CTNNA2: variants seen among roughly 807,000 people sequenced by gnomAD.
CTNNA2 encodes the protein catenin alpha 2.
CTNNA2 carries 42 observed loss-of-function variants against 101.0 expected under a neutral mutation model. The observed-to-expected ratio is 0.42, with a 90% confidence interval of 0.32 to 0.54. The LOEUF (loss-of-function observed/expected upper bound fraction) is 0.54. Among genes scored for constraint, CTNNA2 ranks in the 20% least tolerant of loss-of-function variants. The probability of loss-of-function intolerance (pLI) is 0.14; values close to 1 mark genes in which losing one functional copy is unlikely to be tolerated. For synonymous variants in CTNNA2, 450 were observed against 456.4 expected (o/e 0.99, Z 0.18); for missense variants, 871 against 1,223.1 (o/e 0.71, Z 4.29).
At chr2:79,490,647 C>T (rs1393082451) in intron 4 of CTNNA2, among the ~76,000 whole-genome samples, 1 of 152,130 alleles carries the variant, frequency 6.6e-6, no homozygotes, top group East Asian at 1.9e-4. Context: ...AAAAAGAACA[C>T]AATGAATGGT....
chr2:79,355,068 A>G (rs1280726454), intron 3 of CTNNA2, among the ~76,000 whole-genome samples: 2 of 152,086 alleles, frequency 1.3e-5, no homozygotes, highest in South Asian at 2.1e-4. Context: ...AGGGCTCTCT[A>G]TCCTGCTCTG....
At chr2:80,287,669 A>T (rs1408217466) in intron 7 of CTNNA2, among the ~76,000 whole-genome samples, 1 of 152,168 alleles carries the variant, frequency 6.6e-6, no homozygotes, top group Non-Finnish European at 1.5e-5. Context: ...CTCTAGATTA[A>T]TAGGGGTTGA....
chr2:80,533,391 C>G (rs1410662034), intron 9 of CTNNA2, among the ~76,000 whole-genome samples: 1 of 152,164 alleles, frequency 6.6e-6, no homozygotes, highest in Non-Finnish European at 1.5e-5. Context: ...TTTCCTTATT[C>G]TGTGTGAAGC....
At chr2:79,665,577 G>C (rs7597647) in intron 2 of CTNNA2, among the ~76,000 whole-genome samples, 2,021 of 152,194 alleles carry the variant, frequency 0.013, 34 homozygotes, top group African/African-American at 0.046. Flanking sequence ...AAGACACCAA[G>C]TTAAGTAGAG....
At chr2:79,606,263 T>G (rs914142948) in intron 1 of CTNNA2, among the ~76,000 whole-genome samples, 2 of 152,038 alleles carry the variant, frequency 1.3e-5, no homozygotes, top group East Asian at 3.9e-4. Flanking sequence ...AAATATTGAG[T>G]GTTTTTTTGT....
At chr2:79,817,998 C>T (rs980125490) in intron 3 of CTNNA2, among the ~76,000 whole-genome samples, 2 of 152,116 alleles carry the variant, frequency 1.3e-5, no homozygotes, top group African/African-American at 2.4e-5. Context: ...GCATATTGGG[C>T]TTCAATTTTT....
chr2:80,035,684 T>TA (rs1031257880), intron 7 of CTNNA2, among the ~76,000 whole-genome samples: 4 of 151,606 alleles, frequency 2.6e-5, no homozygotes, highest in East Asian at 1.9e-4. Flanking sequence ...CTTTAAAAAA[T>TA]AAAAAAAAGA....
At chr2:80,081,199 C>T (rs1699122122) in intron 7 of CTNNA2, among the ~76,000 whole-genome samples, 1 of 151,880 alleles carries the variant, frequency 6.6e-6, no homozygotes, top group South Asian at 2.1e-4. Context: ...AGCAAATCGG[C>T]TTCAGCTGCG....
chr2:79,354,639 C>A (rs1677465811), intron 3 of CTNNA2, among the ~76,000 whole-genome samples: 1 of 152,134 alleles, frequency 6.6e-6, no homozygotes, highest in African/African-American at 2.4e-5. Flanking sequence ...TGAGCTCCAG[C>A]TGTGTCTCTA....
chr2:80,581,693 T>C lies in CTNNA2; in HGVS notation c.1894-13T>C. On this transcript the variant is annotated splice_polypyrimidine_tract_variant and intron_variant, in intron 13 of 18. Transcript: ENST00000402739. ...CAATTTAAGTATGCTGACTTATATC[T>C]TTTTGTCTTTAGACCCCAGAAGAAC... 1 of 1,531,252 alleles carries C rather than the reference T, an allele frequency of 6.5e-7. No homozygotes were observed. The highest frequency in any genetic ancestry group is 1.4e-5 in the African/African-American group (1 of 73,232). The allele number at this position is 1,531,252 out of a possible 1,614,324, so 94.9% of individuals were successfully genotyped here. A position where few individuals can be genotyped will look rare whatever the true frequency, so the allele number is the denominator to read the frequency against.
intron 14 of CTNNA2, among the ~76,000 whole-genome samples, chr2:80,584,550 T>C (rs1179550802): frequency 6.6e-6 from 1 of 151,782 alleles, no homozygotes; most frequent in African/African-American, 2.4e-5. Flanking sequence ...ATAAACTGTT[T>C]CTCCACAGTC....
intron 1 of CTNNA2, among the ~76,000 whole-genome samples, chr2:79,641,083 CTT>C (rs1171917058): frequency 1.3e-5 from 2 of 152,090 alleles, no homozygotes; most frequent in African/African-American, 2.4e-5. Context: ...GAGTAGAAGA[CTT>C]TTGTTAAAGA....
At chr2:80,320,252 GT>G (rs1678547918) in intron 7 of CTNNA2, among the ~76,000 whole-genome samples, 2 of 152,174 alleles carry the variant, frequency 1.3e-5, no homozygotes, top group African/African-American at 2.4e-5. Context: ...TAATTTTATT[GT>G]TTTTGTCACT....
At chr2:79,622,178 A>T (rs948926752) in intron 1 of CTNNA2, among the ~76,000 whole-genome samples, 2 of 152,240 alleles carry the variant, frequency 1.3e-5, no homozygotes, top group Non-Finnish European at 2.9e-5. Context: ...TCTTCACCAA[A>T]GTTCAATTTG....
intron 4 of CTNNA2, among the ~76,000 whole-genome samples, chr2:79,492,360 T>C (rs1202882831): frequency 6.6e-6 from 1 of 151,808 alleles, no homozygotes; most frequent in Non-Finnish European, 1.5e-5. Context: ...ATTTATTGCA[T>C]TTATAAGAAT....
intron 7 of CTNNA2, among the ~76,000 whole-genome samples, chr2:80,096,620 A>G (rs1700169474): frequency 1.3e-5 from 2 of 152,132 alleles, no homozygotes; most frequent in Admixed American, 6.5e-5. Flanking sequence ...AAAGTCTCCC[A>G]TTATTATTGT....
At chr2:79,989,431 T>C (rs1308849420) in intron 7 of CTNNA2, among the ~76,000 whole-genome samples, 1 of 152,056 alleles carries the variant, frequency 6.6e-6, no homozygotes, top group Non-Finnish European at 1.5e-5. Flanking sequence ...AAAACCAGCC[T>C]GAGCAACATG....
intron 1 of CTNNA2, among the ~76,000 whole-genome samples, chr2:79,644,915 C>T (rs1030964271): frequency 9.2e-5 from 14 of 152,136 alleles, no homozygotes; most frequent in East Asian, 7.7e-4. Flanking sequence ...CTCTAAAAGC[C>T]GTACGCCAGA....
intron 8 of CTNNA2, among the ~76,000 whole-genome samples, chr2:80,394,433 C>G (rs1397323116): frequency 6.6e-6 from 1 of 152,194 alleles, no homozygotes; most frequent in Non-Finnish European, 1.5e-5. Flanking sequence ...AGCTCCCCAG[C>G]TAACAAACCT....
Sources: allele counts gnomAD v4.1 joint callset (sites outside exome capture counted in the v4.1 genomes callset), GRCh38; gene constraint gnomAD v4.1.1; transcripts MANE v1.5; gene names NCBI Gene and HGNC (gene_info 2026-07-23, HGNC 2026-07-21).